The following SPTBN5 variants were observed in gnomAD, a reference collection of about 807,000 sequenced individuals.
SPTBN5 encodes the protein spectrin beta, non-erythrocytic 5.
SPTBN5 carries 513 observed loss-of-function variants against 477.6 expected under a neutral mutation model. The observed-to-expected ratio is 1.07, with a 90% CI of 1.00 to 1.16. The LOEUF is 1.16. Ranked by LOEUF, SPTBN5 falls within the 50% of genes most tolerant of loss-of-function variation. SPTBN5 has a pLI of 0.00. For missense variants in SPTBN5, 5,062 were observed against 4,731.8 expected, an observed-to-expected ratio of 1.07 and a Z score of -2.05; for synonymous variants, 2,169 against 2,011.7, an observed-to-expected ratio of 1.08 and a Z score of -2.09.
In SPTBN5 at chr15:41,862,134, C is replaced by G. The variant is rs2066131578; in HGVS notation, c.7544G>C (p.Cys2515Ser). The G allele has an allele frequency of 6.4e-7, 1 of 1,572,160 alleles. No homozygotes were observed. The highest frequency in any genetic ancestry group is 8.7e-7 in the Non-Finnish European group (1 of 1,155,430). ...ARRMLEEHQECKAELDSWTDS... is the reference protein window; with the variant it reads ...ARRMLEEHQESKAELDSWTDS... ...TTGGGCCAGCTGCCCATTCACCTTG[C>G]ACTCCTGATGCTCTTCTAACATACG... The change falls in exon 44 of 68, where the codon TGC becomes TCC. Residue 2515 changes from cysteine to serine, a missense_variant. Cys to Ser is a moderately radical substitution (Grantham distance 112). Transcript: ENST00000320955.
intron 62 of SPTBN5, 70 bp from the exon 63 acceptor site, chr15:41,851,920 T>C (rs894070801): frequency 2.4e-6 from 3 of 1,243,106 alleles, no homozygotes; most frequent in Non-Finnish European, 3.5e-6. Context: ...AGGCACCCAC[T>C]GCCCCCAGCT....
chr15:41,880,247 G>A lies in SPTBN5; in HGVS notation c.2724C>T (p.Leu908=). The part of the protein sequence containing the change: ...LFGFCSSCGE[L]QLWLEKQTVL... Reference sequence around the variant, plus strand: ...CTGTCTGCTTCTCCAGCCACAACTGGAGCTCCCCACAGGAACTGCAGAAAC... The same window carrying A: ...CTGTCTGCTTCTCCAGCCACAACTGAAGCTCCCCACAGGAACTGCAGAAAC... Residue 908 remains leucine (L), a synonymous_variant, in exon 14 of 68, where the codon CTC becomes CTT. Coordinates refer to ENST00000320955, the MANE Select transcript of SPTBN5 (RefSeq NM_016642.4). 6.2e-7 allele frequency: 1 copy of A among 1,607,540 alleles called. No individual in the cohort carries two copies. The highest frequency in any genetic ancestry group is 8.5e-7 in the Non-Finnish European group (1 of 1,177,504).
chr15:41,886,491 G>A (rs1004902447), intron 6 of SPTBN5, 125 bp from the exon 7 acceptor site: 2 of 1,125,070 alleles, frequency 1.8e-6, no homozygotes, highest in Middle Eastern at 2.8e-4. Flanking sequence ...ATGCTTTGAA[G>A]TGGTGGTACC....
intron 15 of SPTBN5, 54 bp downstream of exon 15, chr15:41,879,680 G>A: frequency 6.2e-7 from 1 of 1,605,372 alleles, no homozygotes; most frequent in South Asian, 1.1e-5. Flanking sequence ...GTCAGGCCCA[G>A]GCTGGGCACT....
chr15:41,871,947 G>T, intron 27 of SPTBN5, 30 bp from the exon 28 acceptor site: 2 of 1,510,928 alleles, frequency 1.3e-6, no homozygotes, highest in Middle Eastern at 1.7e-4. Context: ...TTCCCCAGAA[G>T]TGAGTTGCCC....
At chr15:41,882,905 G>A (rs1461791395) in intron 9 of SPTBN5, 91 bp downstream of exon 9, 2 of 1,385,716 alleles carry the variant, frequency 1.4e-6, no homozygotes, top group East Asian at 5.0e-5. Context: ...GGAGAAAACT[G>A]GCAGGCCAAC....
In SPTBN5 at chr15:41,855,371, C is replaced by T; in HGVS notation, c.9276G>A (p.Arg3092=). 1 of 1,605,260 alleles carries T rather than the reference C, an allele frequency of 6.2e-7. No individual in the cohort carries two copies. Among genetic ancestry groups the T allele is most frequent in the Non-Finnish European group, 8.5e-7 (1 of 1,179,566 alleles). ...GGCCGTGCCCCCTGGCCTCCGCCCT[C>T]CGCAGCAGCTCTGCGTGGGCCTCCC... ...AVREAHAELL[R]RAEARGHGLQ... Residue 3092 remains arginine, a synonymous_variant, in exon 55 of 68, where the codon CGG becomes CGA. Transcript: ENST00000320955.
intron 24 of SPTBN5, 29 bp from the exon 25 acceptor site, chr15:41,874,074 G>GC: frequency 1.2e-5 from 19 of 1,564,722 alleles, no homozygotes; most frequent in Non-Finnish European, 1.6e-5. Flanking sequence ...AGAGGCTGCT[G>GC]CTCTTAACCC....
At position 41,883,649 on chromosome 15, in the gene SPTBN5, A is replaced by G. The variant is rs140151131; in HGVS notation, c.1521-163T>C. Among the ~76,000 whole-genome samples, 517 of 152,290 alleles carry G rather than the reference A, an allele frequency of 3.4e-3. 3 individuals carry two copies. The highest frequency in any genetic ancestry group is 0.012 in the African/African-American group (491 of 41,546). On this transcript the variant is annotated intron_variant, in intron 7 of 67. Coordinates refer to ENST00000320955, the MANE Select transcript of SPTBN5 (RefSeq NM_016642.4). ...ACAGCATCCTGGCAGGCGGTGGTAG[A>G]GGCAGTGTGTCCTACCTTTGGACAC...
At position 41,887,932 on chromosome 15, in the gene SPTBN5, G is replaced by T. The variant is rs1207656549; in HGVS notation, c.655C>A (p.His219Asn). 1.9e-6 allele frequency: 3 copies of T among 1,609,222 alleles called. No homozygotes were observed. The highest frequency in any genetic ancestry group is 2.5e-6 in the Non-Finnish European group (3 of 1,178,218). ...GLGFNALIHA[H>N]RPDLLDYGSL... ...CTGACAAGGGTGGGGTCACACCTGT[G>T]GGCATGGATGAGGGCATTGAAGCCC... is the stretch of plus-strand genomic sequence containing the variant. Residue 219 changes from histidine to asparagine, a missense_variant, in exon 5 of 68, where the codon CAC becomes AAC. His to Asn is a moderately conservative substitution (Grantham distance 68). Coordinates refer to ENST00000320955, the MANE Select transcript of SPTBN5 (RefSeq NM_016642.4).
chr15:41,855,314 C>G lies in SPTBN5; in HGVS notation c.9333G>C (p.Glu3111Asp), dbSNP rs751524507. The change falls in exon 55 of 68, where the codon GAG becomes GAC. Residue 3111 changes from glutamate (E) to aspartate (D), a missense_variant. Transcript: ENST00000320955. The part of the protein sequence containing the change: ...LQEQLQLHQL[E>D]RETLLLDAWL... ...AGGCGTCGAGGAGCAGGGTCTCTCG[C>G]TCCAGCTGGTGTAGCTGCAGCTGCT... 4 of 1,610,440 alleles carry G rather than the reference C, an allele frequency of 2.5e-6. No individual in the cohort carries two copies. Among genetic ancestry groups the G allele is most frequent in the African/African-American group, 1.3e-5 (1 of 75,076 alleles).
rs189073415 is a variant in SPTBN5 at position 41,892,733 on chromosome 15, C to A, written c.384+161G>T. On this transcript the variant is annotated intron_variant, in intron 3 of 67. Transcript: ENST00000320955. ...AGTCAGGGGTGCTGTGCGAGGAGGG[C>A]GTGGCTTCTGCTCCTCTGTGTCCCA... 8 of 756,680 alleles carry A rather than the reference C, an allele frequency of 1.1e-5. No homozygotes were observed. In the East Asian group the frequency reaches 2.3e-4, roughly 22 times the overall value. The allele number at this position is 756,680 out of a possible 1,614,324, so 46.9% of individuals were successfully genotyped here.
chr15:41,886,969 C>A (rs2067173481), intron 6 of SPTBN5, among the ~76,000 whole-genome samples: 1 of 152,232 alleles, frequency 6.6e-6, no homozygotes, highest in African/African-American at 2.4e-5. Flanking sequence ...CAGGAAGGGC[C>A]ATTCCTCCCC....
intron 57 of SPTBN5, 118 bp downstream of exon 57, chr15:41,853,932 T>C (rs1342492341): frequency 6.9e-7 from 1 of 1,441,920 alleles, no homozygotes; most frequent in East Asian, 2.5e-5. Context: ...CGGGGAAGGA[T>C]CTGGGTTTCT....
Position 41,858,219 on chromosome 15 carries a change from G to T in SPTBN5, c.8226+383C>A, listed in dbSNP as rs376647253. 2.6e-5 allele frequency among the ~76,000 whole-genome samples: 4 copies of T among 152,202 alleles called. No homozygotes were observed. In the South Asian group the frequency reaches 8.3e-4, roughly 31 times the overall value. Reference sequence around the variant, plus strand: ...AGGCTGAGCTGGGAAGATCACTTGAGCCTGGGAGGCGGAGGTTGCAGTGAG... The same window carrying T: ...AGGCTGAGCTGGGAAGATCACTTGATCCTGGGAGGCGGAGGTTGCAGTGAG... On this transcript the variant is annotated intron_variant, in intron 49 of 67. Transcript: ENST00000320955.
In SPTBN5 at chr15:41,853,763, C is replaced by T. The variant is rs1298439653; in HGVS notation, c.9799G>A (p.Glu3267Lys). 6 of 1,574,906 alleles carry T rather than the reference C, an allele frequency of 3.8e-6. No individual in the cohort carries two copies. The South Asian group carries it at 5.8e-5, about 15-fold the overall frequency. ...LERELEAMEK[E>K]VARLQTEACR... ...GCCTCCGTCTGTAGCCGTGCCACCT[C>T]CTTCTCCATAGCTTCCAGCTCTCTC... Residue 3267 changes from glutamate to lysine, a missense_variant, in exon 58 of 68, where the codon GAG (glutamate) becomes AAG (lysine). Glu to Lys is a moderately conservative substitution (Grantham distance 56). Coordinates refer to ENST00000320955, the MANE Select transcript of SPTBN5 (RefSeq NM_016642.4).
chr15:41,882,233 C>A (rs546349693), intron 11 of SPTBN5, 36 bp downstream of exon 11: 1 of 563,388 alleles, frequency 1.8e-6, no homozygotes, highest in African/African-American at 2.2e-5. Context: ...CCTCGCCGGG[C>A]CCCGCCCCCA....
At position 41,876,162 on chromosome 15, in the gene SPTBN5, A is replaced by T; in HGVS notation, c.4074T>A (p.Ala1358=). The part of the protein sequence containing the change: ...ILQTLKRHEA[A]ESELLATRRH... ...TGCGGGTGGCGAGTAGCTCGCTCTC[A>T]GCTGCTTCGTGCCGCTTGAGTGTCT... Residue 1358 remains alanine, a synonymous_variant, in exon 21 of 68, where the codon GCT becomes GCA. Coordinates refer to ENST00000320955, the MANE Select transcript of SPTBN5 (RefSeq NM_016642.4). The T allele has an allele frequency of 1.9e-6, 3 of 1,605,224 alleles. No homozygotes were observed. Among genetic ancestry groups the T allele is most frequent in the Non-Finnish European group, 2.5e-6 (3 of 1,179,638 alleles).
At chr15:41,855,770 GT>G in intron 53 of SPTBN5, 25 bp from the exon 54 acceptor site, 1 of 1,533,092 alleles carries the variant, frequency 6.5e-7, no homozygotes, top group African/African-American at 1.4e-5. Context: ...GTGGAGATCC[GT>G]TTTCCCGGGG....
Sources: gnomAD v4.1 joint callset for allele counts (sites outside exome capture counted in the v4.1 genomes callset) on GRCh38, gnomAD v4.1.1 for gene constraint, MANE v1.5 for transcripts, NCBI Gene and HGNC (gene_info 2026-07-23, HGNC 2026-07-21) for gene names.